The following ANK1 variants were observed in gnomAD, a reference collection of about 807,000 sequenced individuals.
ANK1 encodes ankyrin-1.
ANK1 carries 51 observed loss-of-function variants against 210.4 expected under a neutral mutation model. That is an observed-to-expected ratio of 0.24 (90% confidence interval 0.19 to 0.31). The LOEUF (loss-of-function observed/expected upper bound fraction) is 0.31, where lower values mean the gene tolerates loss of function less well. Among genes scored for constraint, ANK1 ranks in the 10% least tolerant of loss-of-function variants. The pLI is 1.00. For missense variants in ANK1, 2,051 were observed against 2,504.4 expected, an observed-to-expected ratio of 0.82 and a Z score of 3.86; for synonymous variants, 967 against 1,025.9, an observed-to-expected ratio of 0.94 and a Z score of 1.10.
At chr8:41,803,085 G>GGGAAGGA (rs1563811160) in intron 1 of ANK1, among the ~76,000 whole-genome samples, 86 of 60,030 alleles carry the variant, frequency 1.4e-3, no homozygotes, top group South Asian at 0.012. Context: ...GGAAGGAAGG[G>GGGAAGGA]AAGGAAAGGA....
chr8:41,754,838 T>C (rs1838698046), intron 2 of ANK1, among the ~76,000 whole-genome samples: 1 of 152,222 alleles, frequency 6.6e-6, no homozygotes, highest in African/African-American at 2.4e-5. Flanking sequence ...GCAACCAGAA[T>C]GAGGTTCAGG....
At chr8:41,894,486 T>C (rs753631401) in intron 1 of ANK1, among the ~76,000 whole-genome samples, 21 of 152,162 alleles carry the variant, frequency 1.4e-4, no homozygotes, top group Admixed American at 6.5e-4. Flanking sequence ...GTGTGTATTA[T>C]ACATATTTGG....
At position 41,655,089 on chromosome 8, in the gene ANK1, G is replaced by A. The variant is rs546029986; in HGVS notation, c.*701C>T. Reference sequence around the variant, plus strand: ...CAGCAGAGTCTATACAGCTTCAGAAGTCACAGTAAAATCTGTGTGTAGATT... The same window carrying A: ...CAGCAGAGTCTATACAGCTTCAGAAATCACAGTAAAATCTGTGTGTAGATT... On this transcript the variant is annotated 3_prime_UTR_variant, in exon 43 of 43. Coordinates refer to ENST00000289734, the MANE Select transcript of ANK1 (RefSeq NM_000037.4). The A allele has an allele frequency of 4.0e-4, 60 of 149,710 alleles. 1 individual carries two copies. Among genetic ancestry groups the A allele is most frequent in the Non-Finnish European group, 6.5e-4 (44 of 67,374 alleles). The allele number at this position is 149,710 out of a possible 1,614,324, so 9.3% of individuals were successfully genotyped here.
At chr8:41,803,056 A>G (rs1307354651) in intron 1 of ANK1, among the ~76,000 whole-genome samples, 148 of 48,042 alleles carry the variant, frequency 3.1e-3, no homozygotes, top group African/African-American at 0.012. Context: ...AGAAAGAAAG[A>G]GAGAAAGGAA....
chr8:41,703,864 A>G (rs1237967298), intron 20 of ANK1, among the ~76,000 whole-genome samples, 177 bp downstream of exon 20: 1 of 152,204 alleles, frequency 6.6e-6, no homozygotes, highest in African/African-American at 2.4e-5. Flanking sequence ...TTCACCAGAA[A>G]GAGGAACTGA....
intron 1 of ANK1, among the ~76,000 whole-genome samples, chr8:41,780,414 A>G (rs1291426494): frequency 2.0e-5 from 3 of 152,210 alleles, no homozygotes; most frequent in Non-Finnish European, 4.4e-5. Context: ...TCAAATGCCC[A>G]TAGGAGTTTG....
intron 1 of ANK1, among the ~76,000 whole-genome samples, chr8:41,786,072 G>A (rs1030826171): frequency 7.2e-5 from 11 of 152,168 alleles, no homozygotes; most frequent in Admixed American, 6.5e-5. Context: ...TCCTCCTCCC[G>A]AGTTTCCAAA....
chr8:41,656,169 G>C (rs1308936168), intron 42 of ANK1, among the ~76,000 whole-genome samples: 3 of 152,246 alleles, frequency 2.0e-5, no homozygotes, highest in African/African-American at 7.2e-5. Flanking sequence ...CTTGAGCCAG[G>C]GCTTGTGCCA....
chr8:41,767,453 G>A (rs1448885652), intron 1 of ANK1, among the ~76,000 whole-genome samples: 1 of 151,606 alleles, frequency 6.6e-6, no homozygotes, highest in Non-Finnish European at 1.5e-5. Context: ...GCGGCGCGGG[G>A]AGCGCCAGCA....
At chr8:41,894,694 A>G (rs1416063864) in intron 1 of ANK1, among the ~76,000 whole-genome samples, 1 of 152,186 alleles carries the variant, frequency 6.6e-6, no homozygotes, top group Non-Finnish European at 1.5e-5. Context: ...CCAAAGCAGG[A>G]GGCAGGAATG....
At chr8:41,665,685 A>G in intron 39 of ANK1, 1 of 206,290 alleles carries the variant, frequency 4.8e-6, no homozygotes, top group Non-Finnish European at 9.9e-6. Flanking sequence ...TTGCTCCAAA[A>G]GGGTGAGTGA....
At chr8:41,864,026 C>T (rs935695993) in intron 1 of ANK1, among the ~76,000 whole-genome samples, 1 of 152,058 alleles carries the variant, frequency 6.6e-6, no homozygotes, top group Non-Finnish European at 1.5e-5. Context: ...GGGTGGATCA[C>T]GAGGTCAGGA....
At chr8:41,803,029 G>GAAAGAAAGAAAGAAAGAA (rs1850234384) in intron 1 of ANK1, among the ~76,000 whole-genome samples, 3 of 85,442 alleles carry the variant, frequency 3.5e-5, no homozygotes, top group African/African-American at 1.5e-4. Context: ...AAGAAAGAAA[G>GAAAGAAAGAAAGAAAGAA]AAAGAAAGAA....
intron 2 of ANK1, among the ~76,000 whole-genome samples, chr8:41,755,885 C>A (rs56707335): frequency 5.2e-4 from 79 of 152,078 alleles, no homozygotes; most frequent in Non-Finnish European, 2.9e-5. Flanking sequence ...AGAAAAGGGG[C>A]GGGGGGCCTG....
rs773983320 is a variant in ANK1, at chr8:41,688,146, C to A, written c.4258+10G>T. ...ACAAAGTGCTTTTCTGCCCCCAATT[C>A]CCCACTCACCTGCCCAGCTGAGACC... On this transcript the variant is annotated intron_variant, in intron 35 of 42. Transcript: ENST00000289734. 1 of 1,614,024 alleles carries A rather than the reference C, an allele frequency of 6.2e-7. No homozygotes were observed. Among genetic ancestry groups the A allele is most frequent in the South Asian group, 1.1e-5 (1 of 91,074 alleles).
chr8:41,843,865 G>C (rs1259165670), intron 1 of ANK1, among the ~76,000 whole-genome samples: 1 of 152,192 alleles, frequency 6.6e-6, no homozygotes, highest in African/African-American at 2.4e-5. Flanking sequence ...CTCATGCCAT[G>C]AAATCACACA....
chr8:41,891,733 C>T (rs1420007127), intron 1 of ANK1, among the ~76,000 whole-genome samples: 1 of 152,186 alleles, frequency 6.6e-6, no homozygotes, highest in Non-Finnish European at 1.5e-5. Context: ...GCCGGCGCCT[C>T]CCAGAGCTCC....
At chr8:41,867,504 G>A (rs1460610861) in intron 1 of ANK1, among the ~76,000 whole-genome samples, 1 of 152,124 alleles carries the variant, frequency 6.6e-6, no homozygotes, top group South Asian at 2.1e-4. Flanking sequence ...CCCAAGTGAT[G>A]TCCACTCCAG....
At position 41,863,032 on chromosome 8, in the gene ANK1, T is replaced by C. The variant is rs190410277; in HGVS notation, c.126+33323A>G. On this transcript the variant is annotated intron_variant, in intron 1 of 42. Transcript: ENST00000265709. ...GTCTCTAAAAATAAAAAATAAAAAG[T>C]TTGACATAAAGAATTTTTTTGCAGT... 3.2e-3 allele frequency among the ~76,000 whole-genome samples: 469 copies of C among 148,152 alleles called. 4 individuals are homozygous for C. The highest frequency in any genetic ancestry group is 0.011 in the African/African-American group (440 of 40,130).
Sources: gnomAD v4.1 joint callset for allele counts (sites outside exome capture counted in the v4.1 genomes callset) on GRCh38, gnomAD v4.1.1 for gene constraint, MANE v1.5 for transcripts, NCBI Gene and HGNC (gene_info 2026-07-23, HGNC 2026-07-21) for gene names.